SYT11: variants seen among roughly 807,000 people sequenced by gnomAD.
SYT11 encodes the protein synaptotagmin 11.
A neutral mutation model predicts 30.4 loss-of-function variants in SYT11; 12 were observed. The observed-to-expected ratio is 0.39, with a 90% CI of 0.25 to 0.64. SYT11 has a LOEUF of 0.64. SYT11 is among the 30% of genes least tolerant of loss of function. SYT11 has a pLI of 0.45. For synonymous variants in SYT11, 204 were observed against 216.0 expected (o/e 0.94, Z 0.49); for missense variants, 412 against 552.0 (o/e 0.75, Z 2.54).
Position 155,860,358 on chromosome 1 carries a change from C to G in SYT11, c.34+563C>G, listed in dbSNP as rs1672537746. On this transcript the variant is annotated intron_variant, in intron 1 of 3. Coordinates refer to ENST00000368324, the MANE Select transcript of SYT11 (RefSeq NM_152280.5). This position sits in a 1 kb window ranked among gnomAD's most constrained non-coding sequence, Gnocchi z 4.1. ...GGAAGCCACTCCTTAAGCCGGTCAG[C>G]TGGATGCTGGGGCTAGGAGGAAACG... Among the ~76,000 whole-genome samples the G allele has an allele frequency of 6.6e-6, 1 of 152,220 alleles. No individual in the cohort carries two copies. The highest frequency in any genetic ancestry group is 2.4e-5 in the African/African-American group (1 of 41,440).
At chr1:155,872,821 C>A (rs1672800895) in intron 2 of SYT11, among the ~76,000 whole-genome samples, 1 of 152,162 alleles carries the variant, frequency 6.6e-6, no homozygotes, top group South Asian at 2.1e-4. Flanking sequence ...GGTGTTGTGG[C>A]TACAGACTTG....
intron 1 of SYT11, among the ~76,000 whole-genome samples, chr1:155,866,116 C>CTTT (rs11419325): frequency 5.7e-5 from 7 of 123,268 alleles, no homozygotes; most frequent in Non-Finnish European, 8.0e-5. Flanking sequence ...TTTTTTTTTT[C>CTTT]TTTTTTTTTT....
At chr1:155,880,749 T>C in intron 3 of SYT11, 126 bp downstream of exon 3, 1 of 1,163,206 alleles carries the variant, frequency 8.6e-7, no homozygotes, top group Non-Finnish European at 1.2e-6. Context: ...CCTCTTTCTG[T>C]AGACATTCTC....
chr1:155,864,802 C>T (rs1005188443), intron 1 of SYT11, among the ~76,000 whole-genome samples: 4 of 151,478 alleles, frequency 2.6e-5, no homozygotes, highest in Admixed American at 6.6e-5. Context: ...CCTCCGCCTC[C>T]GAGGTTCAAG....
At chr1:155,872,874 G>A (rs988674929) in intron 2 of SYT11, among the ~76,000 whole-genome samples, 16 of 152,152 alleles carry the variant, frequency 1.1e-4, no homozygotes, top group African/African-American at 3.1e-4. Flanking sequence ...CATGCTGCCC[G>A]TGTGAGATGG....
chr1:155,864,357 T>C (rs1672635867), intron 1 of SYT11, among the ~76,000 whole-genome samples: 1 of 152,212 alleles, frequency 6.6e-6, no homozygotes, highest in Non-Finnish European at 1.5e-5. Flanking sequence ...CAATATTACA[T>C]GTATATTATG....
chr1:155,859,650 T>A lies in SYT11; in HGVS notation c.-112T>A. 2 of 1,040,878 alleles carry A rather than the reference T, an allele frequency of 1.9e-6. No individual in the cohort carries two copies. Among genetic ancestry groups the A allele is most frequent in the Non-Finnish European group, 3.0e-6 (2 of 663,910 alleles). The allele number at this position is 1,040,878 out of a possible 1,614,324, so 64.5% of individuals were successfully genotyped here. A position where few individuals can be genotyped will look rare whatever the true frequency, so the allele number is the denominator to read the frequency against. On this transcript the variant is annotated 5_prime_UTR_variant, in exon 1 of 4. Transcript: ENST00000368324. ...TCGCAGGAGGCGTCCGCTGGATACC[T>A]TCCCCCTTCCCTGACCTAGAGCTCT...
At chr1:155,874,188 C>T (rs1672823880) in intron 2 of SYT11, among the ~76,000 whole-genome samples, 1 of 152,084 alleles carries the variant, frequency 6.6e-6, no homozygotes, top group Non-Finnish European at 1.5e-5. Flanking sequence ...ACACCAGAAT[C>T]GCTTGAACCC....
Position 155,884,013 on chromosome 1 carries a change from G to A in SYT11, c.*2505G>A, listed in dbSNP as rs1349946420. The A allele has an allele frequency of 2.0e-5, 3 of 152,552 alleles. No individual in the cohort carries two copies. Among genetic ancestry groups the A allele is most frequent in the Non-Finnish European group, 4.4e-5 (3 of 68,030 alleles). 9.4% of individuals were successfully genotyped at this position (152,552 alleles called of 1,614,324 possible). A position where few individuals can be genotyped will look rare whatever the true frequency, so the allele number is the denominator to read the frequency against. On this transcript the variant is annotated 3_prime_UTR_variant, in exon 4 of 4. Coordinates refer to ENST00000368324, the MANE Select transcript of SYT11 (RefSeq NM_152280.5). ...AAATGTAAATACTGTATCATAAGTA[G>A]AAGAAAATAATTTTTGTTTTCTAAA... is the stretch of plus-strand genomic sequence containing the variant.
Position 155,861,209 on chromosome 1 carries a change from A to C in SYT11, c.34+1414A>C, listed in dbSNP as rs202177415. 2.0e-5 allele frequency among the ~76,000 whole-genome samples: 3 copies of C among 152,304 alleles called. No individual in the cohort carries two copies. The East Asian group carries it at 5.8e-4, about 29-fold the overall frequency. ...GTTCTCACTTATTCCACAAGGCTAAATCTTGATGGTATTTTTTCTTCCACT... is the reference window on the plus strand; with the variant it reads ...GTTCTCACTTATTCCACAAGGCTAACTCTTGATGGTATTTTTTCTTCCACT... On this transcript the variant is annotated intron_variant, in intron 1 of 3. Coordinates refer to ENST00000368324, the MANE Select transcript of SYT11 (RefSeq NM_152280.5).
chr1:155,860,031 G>A lies in SYT11; in HGVS notation c.34+236G>A, dbSNP rs1672526212. 6.6e-6 allele frequency among the ~76,000 whole-genome samples: 1 copy of A among 152,254 alleles called. No homozygotes were observed. Among genetic ancestry groups the A allele is most frequent in the African/African-American group, 2.4e-5 (1 of 41,472 alleles). On this transcript the variant is annotated intron_variant, in intron 1 of 3. Coordinates refer to ENST00000368324, the MANE Select transcript of SYT11 (RefSeq NM_152280.5). The surrounding 1 kb of genome is among the most constrained non-coding windows in gnomAD (Gnocchi z 4.1). ...GCCACACCGAGGGTGGGGAAGTCCA[G>A]GATGCTAAAACCTTGTATGGTGCAC...
chr1:155,867,323 T>C (rs1459864691), intron 1 of SYT11, among the ~76,000 whole-genome samples: 3 of 152,178 alleles, frequency 2.0e-5, no homozygotes, highest in Non-Finnish European at 4.4e-5. Flanking sequence ...CCTCCCAAAG[T>C]GCCGGGATTA....
rs561559546 is a variant in SYT11, at chr1:155,881,719, A to C, written c.*211A>C. 1 of 448,918 alleles carries C rather than the reference A, an allele frequency of 2.2e-6. No individual in the cohort carries two copies. The highest frequency in any genetic ancestry group is 4.0e-5 in the Admixed American group (1 of 25,284). 27.8% of individuals were successfully genotyped at this position (448,918 alleles called of 1,614,324 possible). Reference sequence around the variant, plus strand: ...TTTTTTCTGCTTTGCAAGGCGCTAGAATCTTTTATTTTACTTTATTTTTTT... The same window carrying C: ...TTTTTTCTGCTTTGCAAGGCGCTAGCATCTTTTATTTTACTTTATTTTTTT... On this transcript the variant is annotated 3_prime_UTR_variant, in exon 4 of 4. Coordinates refer to ENST00000368324, the MANE Select transcript of SYT11 (RefSeq NM_152280.5).
Position 155,883,720 on chromosome 1 carries a change from G to A in SYT11, c.*2212G>A, listed in dbSNP as rs1571983258. On this transcript the variant is annotated 3_prime_UTR_variant, in exon 4 of 4. Coordinates refer to ENST00000368324, the MANE Select transcript of SYT11 (RefSeq NM_152280.5). ...ACATCACTTTTAACCTTGCTTTGGC[G>A]AAGGGAGTCGGAAAGCTGAGTCTCT... The A allele has an allele frequency of 6.6e-6, 1 of 152,098 alleles. No homozygotes were observed. The highest frequency in any genetic ancestry group is 2.4e-5 in the African/African-American group (1 of 41,386). The allele number at this position is 152,098 out of a possible 1,614,324, so 9.4% of individuals were successfully genotyped here. A position where few individuals can be genotyped will look rare whatever the true frequency, so the allele number is the denominator to read the frequency against.
intron 2 of SYT11, among the ~76,000 whole-genome samples, chr1:155,876,347 G>A (rs1672861012): frequency 7.1e-6 from 1 of 139,872 alleles, no homozygotes; most frequent in African/African-American, 2.6e-5. Context: ...CCAGGTTCAC[G>A]CCATTCTCCT....
chr1:155,878,430 AAC>A (rs1222808032), intron 2 of SYT11, among the ~76,000 whole-genome samples: 1 of 152,080 alleles, frequency 6.6e-6, no homozygotes, highest in African/African-American at 2.4e-5. Context: ...CCATTCTCTG[AAC>A]ACAGCTTACC....
At position 155,881,687 on chromosome 1, in the gene SYT11, G is replaced by T; in HGVS notation, c.*179G>T. On this transcript the variant is annotated 3_prime_UTR_variant, in exon 4 of 4. Coordinates refer to ENST00000368324, the MANE Select transcript of SYT11 (RefSeq NM_152280.5). ...CAGCTGCAGATCAGTTCTTAGCAAT[G>T]ATGTTTTTTTTTCTGCTTTGCAAGG... 1 of 522,766 alleles carries T rather than the reference G, an allele frequency of 1.9e-6. No homozygotes were observed. Among genetic ancestry groups the T allele is most frequent in the Non-Finnish European group, 3.3e-6 (1 of 299,836 alleles). 32.4% of individuals were successfully genotyped at this position (522,766 alleles called of 1,614,324 possible).
At chr1:155,867,161 G>A (rs1287761396) in intron 1 of SYT11, among the ~76,000 whole-genome samples, 3 of 151,712 alleles carry the variant, frequency 2.0e-5, no homozygotes, top group Non-Finnish European at 2.9e-5. Context: ...AGGTTCAAGC[G>A]ATTCTCCTGC....
chr1:155,866,967 T>C (rs370609718), intron 1 of SYT11, among the ~76,000 whole-genome samples: 1 of 146,586 alleles, frequency 6.8e-6, no homozygotes, highest in Non-Finnish European at 1.5e-5. Context: ...TATATACACA[T>C]ACACACACAC....
Sources: gnomAD v4.1 joint callset for allele counts (sites outside exome capture counted in the v4.1 genomes callset) on GRCh38, gnomAD v4.1.1 for gene constraint, Gnocchi (gnomAD v3.1) non-coding constraint, MANE v1.5 for transcripts, NCBI Gene and HGNC (gene_info 2026-07-23, HGNC 2026-07-21) for gene names.